Variants in NCKAP5 observed in about 807,000 individuals in gnomAD.
NCKAP5 encodes nck-associated protein 5.
In NCKAP5, 92 loss-of-function variants were observed where a neutral mutation model predicts 167.0. The ratio of observed to expected loss-of-function variants is 0.55; its 90% CI spans 0.47 to 0.66. NCKAP5 has a LOEUF of 0.66. NCKAP5 is among the 30% of genes least tolerant of loss of function. The probability of loss-of-function intolerance (pLI) is 0.00; values close to 1 mark genes in which losing one functional copy is unlikely to be tolerated. For synonymous variants in NCKAP5, 891 were observed against 877.4 expected, an observed-to-expected ratio of 1.02 and a Z score of -0.27; for missense variants, 2,378 against 2,315.0, an observed-to-expected ratio of 1.03 and a Z score of -0.56.
intron 8 of NCKAP5, among the ~76,000 whole-genome samples, chr2:132,900,467 CACAA>C (rs1388014236): frequency 1.8e-4 from 28 of 152,160 alleles, no homozygotes; most frequent in Admixed American, 1.3e-3. Context: ...ACCACACACA[CACAA>C]ACACACACAT....
At chr2:133,570,897 G>A (rs994308329), upstream of NCKAP5, among the ~76,000 whole-genome samples, 14 of 152,038 alleles carry the variant, frequency 9.2e-5, no homozygotes, top group Non-Finnish European at 1.3e-4. Context: ...TTCAGTGGCC[G>A]GGAGTGATGG....
chr2:133,563,078 A>T (rs188135454), intron 1 of NCKAP5, among the ~76,000 whole-genome samples: 29 of 152,262 alleles, frequency 1.9e-4, no homozygotes, highest in Admixed American at 1.2e-3. Flanking sequence ...ATTTAAATCC[A>T]CTTTCACAAA....
intron 4 of NCKAP5, among the ~76,000 whole-genome samples, chr2:133,223,622 T>C (rs1409855284): frequency 6.6e-6 from 1 of 152,210 alleles, no homozygotes. Flanking sequence ...AATGTCTTTA[T>C]ATACTTTTTT....
At chr2:132,919,639 G>A (rs1055015447) in intron 8 of NCKAP5, among the ~76,000 whole-genome samples, 4 of 151,846 alleles carry the variant, frequency 2.6e-5, no homozygotes, top group Non-Finnish European at 5.9e-5. Context: ...GATCAGCAAC[G>A]ACAGACAAGA....
chr2:132,872,998 G>C lies in NCKAP5; in HGVS notation c.649-4024C>G, dbSNP rs145247418. Reference sequence around the variant, plus strand: ...TAGACATAATCAGCGAAACCACCTAGGACAGGACTTGATATAAAGCCGTCA... The same window carrying C: ...TAGACATAATCAGCGAAACCACCTACGACAGGACTTGATATAAAGCCGTCA... On this transcript the variant is annotated intron_variant, in intron 9 of 19. Coordinates refer to ENST00000409261, the MANE Select transcript of NCKAP5 (RefSeq NM_207363.3). Among the ~76,000 whole-genome samples the C allele has an allele frequency of 3.5e-3, 539 of 152,262 alleles. 3 individuals are homozygous for C. Among genetic ancestry groups the C allele is most frequent in the African/African-American group, 0.012 (514 of 41,548 alleles).
chr2:132,810,576 C>A (rs770556800), intron 11 of NCKAP5, among the ~76,000 whole-genome samples: 1 of 152,032 alleles, frequency 6.6e-6, no homozygotes, highest in South Asian at 2.1e-4. Context: ...GCTGAGACTT[C>A]CAGAGCATTT....
At chr2:133,626,897 T>A in the NCKAP5 span, among the ~76,000 whole-genome samples, 2 of 151,948 alleles carry the variant, frequency 1.3e-5, no homozygotes, top group African/African-American at 4.8e-5. Flanking sequence ...AGGAAAGTAG[T>A]TATTTGGGGA....
chr2:133,033,562 C>T (rs577737768), intron 6 of NCKAP5, among the ~76,000 whole-genome samples: 2 of 152,226 alleles, frequency 1.3e-5, no homozygotes, highest in Admixed American at 1.3e-4. Flanking sequence ...TGCGATCTTT[C>T]AGACCAAGAA....
intron 16 of NCKAP5, among the ~76,000 whole-genome samples, chr2:132,764,690 G>A (rs2104884236): frequency 6.6e-6 from 1 of 152,306 alleles, no homozygotes; most frequent in African/African-American, 2.4e-5. Flanking sequence ...ATCTATCAAA[G>A]TTATTGAGAA....
intron 5 of NCKAP5, among the ~76,000 whole-genome samples, chr2:133,143,471 T>C (rs1293916504): frequency 6.6e-6 from 1 of 152,176 alleles, no homozygotes; most frequent in Non-Finnish European, 1.5e-5. Context: ...TCTGTGGCCT[T>C]ATTTTTTATG....
intron 3 of NCKAP5, among the ~76,000 whole-genome samples, chr2:133,504,425 C>T (rs2151397160): frequency 1.6e-5 from 1 of 64,282 alleles, no homozygotes; most frequent in Middle Eastern, 4.8e-3. Flanking sequence ...TCTAGAATTT[C>T]TGTACCATTC....
chr2:133,481,680 C>T (rs111330364), intron 3 of NCKAP5, among the ~76,000 whole-genome samples: 3 of 152,200 alleles, frequency 2.0e-5, no homozygotes, highest in South Asian at 2.1e-4. Context: ...TGAGAACATG[C>T]GGTATCTGGT....
At chr2:133,603,604 C>T in the NCKAP5 span, among the ~76,000 whole-genome samples, 36,175 of 151,618 alleles carry the variant, frequency 0.24, 6,982 homozygotes, top group East Asian at 0.53. Context: ...AATGGCACAA[C>T]CTCAGCTCAC....
chr2:133,153,833 CTTT>C (rs570596198), intron 5 of NCKAP5, among the ~76,000 whole-genome samples: 6 of 109,754 alleles, frequency 5.5e-5, no homozygotes, highest in African/African-American at 7.4e-5. Flanking sequence ...GTTCCTCCTT[CTTT>C]TTTTTTTTTT....
At chr2:132,832,635 C>T (rs1204073628) in intron 11 of NCKAP5, among the ~76,000 whole-genome samples, 13 of 152,178 alleles carry the variant, frequency 8.5e-5, no homozygotes, top group Admixed American at 8.5e-4. Context: ...CTTTCTGTGT[C>T]TGGCTTGCTT....
intron 5 of NCKAP5, among the ~76,000 whole-genome samples, chr2:133,195,793 A>C (rs1180363622): frequency 6.6e-6 from 1 of 152,196 alleles, no homozygotes; most frequent in Non-Finnish European, 1.5e-5. Context: ...TGCATAACAT[A>C]TTGACAGGAA....
intron 11 of NCKAP5, among the ~76,000 whole-genome samples, chr2:132,805,851 T>A (rs907116724): frequency 2.0e-5 from 3 of 152,060 alleles, no homozygotes; most frequent in African/African-American, 7.2e-5. Context: ...TAGTGGTGAT[T>A]TCTGAGAATT....
intron 3 of NCKAP5, among the ~76,000 whole-genome samples, chr2:133,310,381 G>A (rs976587511): frequency 3.3e-5 from 5 of 152,204 alleles, no homozygotes; most frequent in African/African-American, 1.2e-4. Flanking sequence ...TCAAACAGCT[G>A]CAACCTGGCT....
chr2:133,127,991 TC>T (rs2082457970), intron 6 of NCKAP5, among the ~76,000 whole-genome samples: 1 of 152,174 alleles, frequency 6.6e-6, no homozygotes, highest in Non-Finnish European at 1.5e-5. Flanking sequence ...ACAGGAGTCA[TC>T]CATCCTTCTT....
Sources: gnomAD v4.1 joint callset for allele counts (sites outside exome capture counted in the v4.1 genomes callset) on GRCh38, gnomAD v4.1.1 for gene constraint, MANE v1.5 for transcripts, NCBI Gene and HGNC (gene_info 2026-07-23, HGNC 2026-07-21) for gene names.